Variants in CLASP2 observed in about 807,000 individuals in gnomAD.
The protein encoded by CLASP2 is CLIP-associating protein 2.
In CLASP2, 47 loss-of-function variants were observed where a neutral mutation model predicts 194.4. That is an observed-to-expected ratio of 0.24 (90% CI 0.19 to 0.31). The LOEUF (loss-of-function observed/expected upper bound fraction) is 0.31. Among genes scored for constraint, CLASP2 ranks in the 10% least tolerant of loss-of-function variants. CLASP2 has a pLI of 1.00. For synonymous variants in CLASP2, 619 were observed against 633.5 expected (o/e 0.98, Z 0.34); for missense variants, 1,445 against 1,823.6 (o/e 0.79, Z 3.78).
At chr3:33,524,499 C>A (rs1392620765) in intron 34 of CLASP2, among the ~76,000 whole-genome samples, 2 of 151,732 alleles carry the variant, frequency 1.3e-5, no homozygotes, top group African/African-American at 4.8e-5. Flanking sequence ...AAAATACATA[C>A]AATTAGCCAG....
chr3:33,587,102 G>A (rs1362503421), intron 21 of CLASP2, among the ~76,000 whole-genome samples: 1 of 151,978 alleles, frequency 6.6e-6, no homozygotes. Flanking sequence ...ATGGTCCATG[G>A]GCTGGCGATC....
intron 12 of CLASP2, among the ~76,000 whole-genome samples, chr3:33,618,279 G>C (rs1002227492): frequency 1.3e-5 from 2 of 152,074 alleles, no homozygotes; most frequent in Middle Eastern, 3.2e-3. Flanking sequence ...ATATCCTTAA[G>C]AGAAGACTAA....
At chr3:33,699,872 CA>C (rs34347002) in intron 1 of CLASP2, among the ~76,000 whole-genome samples, 11,932 of 93,848 alleles carry the variant, frequency 0.13, 585 homozygotes, top group African/African-American at 0.22. Flanking sequence ...ATTGTACTAC[CA>C]AAAAAAAAAA....
intron 29 of CLASP2, among the ~76,000 whole-genome samples, chr3:33,556,639 G>C (rs2060984469): frequency 6.6e-6 from 1 of 151,958 alleles, no homozygotes; most frequent in Admixed American, 6.6e-5. Flanking sequence ...GTTTCACCAT[G>C]CTGGCCAGCC....
intron 32 of CLASP2, among the ~76,000 whole-genome samples, chr3:33,539,750 A>T (rs2058023514): frequency 6.6e-6 from 1 of 151,896 alleles, no homozygotes; most frequent in African/African-American, 2.4e-5. Context: ...TTGAGAAGAG[A>T]CTCTAAGACC....
rs1391298622 is a variant in CLASP2, at chr3:33,676,277, C to T, written c.644+8082G>A. Among the ~76,000 whole-genome samples the T allele has an allele frequency of 4.1e-3, 615 of 149,130 alleles. 1 individual carries two copies. Among genetic ancestry groups the T allele is most frequent in the Middle Eastern group, 0.01 (3 of 292 alleles). ...AGAACAGAGCCCTCAGAAATAACGCCGCATATCTACAACTATCTGATCTTT... is the reference window on the plus strand; with the variant it reads ...AGAACAGAGCCCTCAGAAATAACGCTGCATATCTACAACTATCTGATCTTT... On this transcript the variant is annotated intron_variant, in intron 6 of 38. Coordinates refer to ENST00000682230, the MANE Select transcript of CLASP2 (RefSeq NM_001365631.1).
intron 6 of CLASP2, among the ~76,000 whole-genome samples, chr3:33,682,031 G>T (rs1016973677): frequency 2.7e-5 from 4 of 145,790 alleles, no homozygotes; most frequent in Non-Finnish European, 6.1e-5. Context: ...GTGAGTAGAA[G>T]CTGTGAGAGG....
intron 29 of CLASP2, 171 bp downstream of exon 29, chr3:33,559,136 A>G (rs2061405541): frequency 1.4e-6 from 1 of 693,644 alleles, no homozygotes; most frequent in Non-Finnish European, 2.6e-6. Context: ...TTGGAGCTCC[A>G]AAAAGAGTGA....
At chr3:33,708,494 A>ATATATATATGTATATATATGTATATATG (rs1559702635) in intron 1 of CLASP2, among the ~76,000 whole-genome samples, 11 of 130,598 alleles carry the variant, frequency 8.4e-5, no homozygotes, top group East Asian at 2.2e-4. Flanking sequence ...GTGTATGTAT[A>ATATATATATGTATATATATGTATATATG]TATATATATA....
chr3:33,677,988 T>C (rs537012753), intron 6 of CLASP2, among the ~76,000 whole-genome samples: 1 of 149,962 alleles, frequency 6.7e-6, no homozygotes, highest in South Asian at 2.1e-4. Context: ...ATGTCCTTAT[T>C]GGGCTTATTA....
At position 33,581,838 on chromosome 3, in the gene CLASP2, C is replaced by T. The variant is rs778128977; in HGVS notation, c.2330G>A (p.Arg777His). The change falls in exon 23 of 39, where the codon CGC (arginine) becomes CAC (histidine). Residue 777 changes from arginine (R) to histidine (H), a missense_variant. This residue lies in a region of CLASP2 where 732 missense variants were observed against 987.9 expected (regional missense o/e 0.74). Transcript: ENST00000682230. Reference protein sequence around the residue: ...RESSRDTSPVRSFQPLGPGYG... With the variant: ...RESSRDTSPVHSFQPLGPGYG... Reference sequence around the variant, plus strand: ...ATACGTACCGAGGGGCTGAAAAGAGCGAACAGGACTTGTGTCTCTGCTGCT... The same window carrying T: ...ATACGTACCGAGGGGCTGAAAAGAGTGAACAGGACTTGTGTCTCTGCTGCT... The T allele has an allele frequency of 3.7e-6, 6 of 1,613,134 alleles. No individual in the cohort carries two copies. In the Admixed American group the frequency reaches 5.0e-5, roughly 13 times the overall value.
At chr3:33,614,379 A>G (rs1394592946) in intron 12 of CLASP2, among the ~76,000 whole-genome samples, 1 of 152,240 alleles carries the variant, frequency 6.6e-6, no homozygotes, top group African/African-American at 2.4e-5. Context: ...CAAAAGTAAC[A>G]GCAGGAAAAG....
At chr3:33,705,933 G>C (rs1260520697) in intron 1 of CLASP2, among the ~76,000 whole-genome samples, 2 of 152,162 alleles carry the variant, frequency 1.3e-5, no homozygotes, top group South Asian at 4.1e-4. Context: ...GAATTAAATA[G>C]ATATAGACAG....
chr3:33,579,533 A>G (rs1216721202), intron 23 of CLASP2, among the ~76,000 whole-genome samples: 3 of 152,164 alleles, frequency 2.0e-5, no homozygotes, highest in Admixed American at 1.3e-4. Context: ...TTCCCACTGA[A>G]GTGTAATTTA....
At chr3:33,551,149 G>T in intron 30 of CLASP2, 103 bp downstream of exon 30, 1 of 952,486 alleles carries the variant, frequency 1.0e-6, no homozygotes, top group Non-Finnish European at 1.5e-6. Context: ...ATAACTCACT[G>T]CTAATTGCTA....
chr3:33,598,857 CCTTAA>C (rs1332480720), intron 18 of CLASP2, among the ~76,000 whole-genome samples: 1 of 152,118 alleles, frequency 6.6e-6, no homozygotes, highest in Non-Finnish European at 1.5e-5. Flanking sequence ...ATCAAGGTTA[CCTTAA>C]CTTAAATTCC....
intron 34 of CLASP2, among the ~76,000 whole-genome samples, chr3:33,534,954 G>A (rs2057060589): frequency 6.6e-6 from 1 of 152,284 alleles, no homozygotes; most frequent in East Asian, 1.9e-4. Flanking sequence ...TAGAGGTAAA[G>A]TAAATTTATA....
intron 9 of CLASP2, 105 bp downstream of exon 9, chr3:33,632,187 A>C: frequency 6.7e-6 from 4 of 595,354 alleles, no homozygotes; most frequent in East Asian, 3.2e-5. Context: ...TTTCATTTAT[A>C]TAGCTATATA....
rs1472833153 is a variant in CLASP2, at chr3:33,718,196, C to G, written c.-194G>C. The G allele has an allele frequency of 8.0e-6, 3 of 376,494 alleles. No individual in the cohort carries two copies. The South Asian group carries it at 1.9e-4, about 24-fold the overall frequency. The allele number at this position is 376,494 out of a possible 1,614,324, so 23.3% of individuals were successfully genotyped here. ...GCCCCCAAACTAGTCAAACTCGGCG[C>G]CCCCCGATCCCCAGCCCGCTTCAGA... On this transcript the variant is annotated 5_prime_UTR_variant, in exon 1 of 39. Transcript: ENST00000682230.
Sources: allele counts gnomAD v4.1 joint callset (sites outside exome capture counted in the v4.1 genomes callset), GRCh38; gene constraint gnomAD v4.1.1; regional missense constraint gnomAD v4.1.1; transcripts MANE v1.5; gene names NCBI Gene and HGNC (gene_info 2026-07-23, HGNC 2026-07-21).